The following MYSM1 variants were observed in gnomAD, a reference collection of about 807,000 sequenced individuals.
MYSM1 encodes deubiquitinase MYSM1.
In MYSM1, 51 loss-of-function variants were observed where a neutral mutation model predicts 116.0. The observed-to-expected ratio is 0.44, with a 90% CI of 0.35 to 0.56. The LOEUF is 0.56. Among genes scored for constraint, MYSM1 ranks in the 20% least tolerant of loss-of-function variants. MYSM1 has a pLI of 0.00. For synonymous variants in MYSM1, 313 were observed against 315.2 expected, an observed-to-expected ratio of 0.99 and a Z score of 0.07; for missense variants, 900 against 974.9, an observed-to-expected ratio of 0.92 and a Z score of 1.02.
In MYSM1 at chr1:58,660,019, C is replaced by CAGTT. The variant is rs1644368248; in HGVS notation, c.2461_2464dup (p.Cys822Ter). On this transcript the variant is annotated stop_gained and frameshift_variant, in exon 20 of 20. Coordinates refer to ENST00000472487, the MANE Select transcript of MYSM1 (RefSeq NM_001085487.3). LOFTEE classifies it high-confidence loss of function. Reference sequence around the variant, plus strand: ...TAATCACATTAACAATTCCTTTGTACAGTTCTCTTCGGTTACTCCATTCTC... The same window carrying CAGTT: ...TAATCACATTAACAATTCCTTTGTACAGTTAGTTCTCTTCGGTTACTCCATTCTC... The CAGTT allele has an allele frequency of 1.3e-6, 2 of 1,597,284 alleles. No homozygotes were observed. The highest frequency in any genetic ancestry group is 2.7e-5 in the African/African-American group (2 of 73,902).
chr1:58,671,254 A>C (rs1387623918), intron 12 of MYSM1, among the ~76,000 whole-genome samples: 1 of 152,210 alleles, frequency 6.6e-6, no homozygotes, highest in African/African-American at 2.4e-5. Context: ...TAATAAATAT[A>C]AAGTGCTTAA....
intron 8 of MYSM1, among the ~76,000 whole-genome samples, chr1:58,679,457 A>C (rs1644704628): frequency 6.6e-6 from 1 of 152,116 alleles, no homozygotes. Flanking sequence ...TATAGTGATC[A>C]TTCATATGGA....
In MYSM1 at chr1:58,682,224, T is replaced by C; in HGVS notation, c.820A>G (p.Lys274Glu). 1.9e-6 allele frequency: 3 copies of C among 1,613,100 alleles called. No homozygotes were observed. The highest frequency in any genetic ancestry group is 2.2e-5 in the East Asian group (1 of 44,856). ...TTTTGAAGACAGCCCCTGGAAGACTTAGAAAAGAGAGCTTCCTGGCTGTCA... is the reference window on the plus strand; with the variant it reads ...TTTTGAAGACAGCCCCTGGAAGACTCAGAAAAGAGAGCTTCCTGGCTGTCA... ...TSDSQEALFSKSSRGCLQNEK... is the reference protein window; with the variant it reads ...TSDSQEALFSESSRGCLQNEK... Residue 274 changes from lysine (K) to glutamate (E), a missense_variant, in exon 8 of 20, where the codon AAG (lysine) becomes GAG (glutamate). By Grantham distance (56) the Lys-to-Glu change is moderately conservative (BLOSUM62 1). This residue lies in a region of MYSM1 where 622 missense variants were observed against 623.7 expected (regional missense o/e 1.00). Coordinates refer to ENST00000472487, the MANE Select transcript of MYSM1 (RefSeq NM_001085487.3).
chr1:58,681,857 T>C lies in MYSM1; in HGVS notation c.1187A>G (p.Glu396Gly). 6 of 1,612,972 alleles carry C rather than the reference T, an allele frequency of 3.7e-6. No homozygotes were observed. The highest frequency in any genetic ancestry group is 5.1e-6 in the Non-Finnish European group (6 of 1,179,810). ...IQEEEKQAIPEFFEGRQAKTP... is the reference protein window; with the variant it reads ...IQEEEKQAIPGFFEGRQAKTP... ...TTTAGCTTGGCGCCCCTCAAAAAAC[T>C]CAGGAATTGCTTGTTTTTCTTCTTC... is the stretch of plus-strand genomic sequence containing the variant. The change falls in exon 8 of 20, where the codon GAG becomes GGG. Residue 396 changes from glutamate (E) to glycine (G), a missense_variant. Physicochemically the swap from Glu to Gly is moderately conservative, Grantham distance 98. This residue lies in a region of MYSM1 where 622 missense variants were observed against 623.7 expected (regional missense o/e 1.00). Coordinates refer to ENST00000472487, the MANE Select transcript of MYSM1 (RefSeq NM_001085487.3).
At chr1:58,669,836 C>CAAA (rs58828009) in intron 12 of MYSM1, among the ~76,000 whole-genome samples, 432 of 14,396 alleles carry the variant, frequency 0.03, 42 homozygotes, top group African/African-American at 0.051. Context: ...ACCCTGTCTC[C>CAAA]AAAAAAAAAA....
chr1:58,663,692 C>G (rs1052453776), intron 17 of MYSM1, among the ~76,000 whole-genome samples: 38 of 152,214 alleles, frequency 2.5e-4, no homozygotes, highest in African/African-American at 8.9e-4. Flanking sequence ...TATTCACATA[C>G]ATGTGCTGAT....
intron 16 of MYSM1, among the ~76,000 whole-genome samples, chr1:58,666,790 C>T (rs1022758224): frequency 3.3e-5 from 5 of 151,490 alleles, no homozygotes; most frequent in African/African-American, 1.2e-4. Context: ...AGGAGAATCA[C>T]TTGAACCTAA....
rs756917972 is a variant in MYSM1 at position 58,673,628 on chromosome 1, C to T, written c.1517G>A (p.Arg506Gln). The change falls in exon 11 of 20, where the codon CGA (arginine) becomes CAA (glutamine). Residue 506 changes from arginine (R) to glutamine (Q), a missense_variant. Transcript: ENST00000472487. Reference protein sequence around the residue: ...QSMRTRRRRVRDPWGNWCDAK... With the variant: ...QSMRTRRRRVQDPWGNWCDAK... Reference sequence around the variant, plus strand: ...ATCACACCAGTTTCCCCATGGGTCTCGGACCCTACGTCTCCTTGTACGCTG... The same window carrying T: ...ATCACACCAGTTTCCCCATGGGTCTTGGACCCTACGTCTCCTTGTACGCTG... The T allele has an allele frequency of 6.2e-6, 10 of 1,613,976 alleles. No homozygotes were observed. The highest frequency in any genetic ancestry group is 4.5e-5 in the East Asian group (2 of 44,866).
At chr1:58,690,061 A>T (rs1367206522) in intron 5 of MYSM1, 165 bp downstream of exon 5, 1 of 578,094 alleles carries the variant, frequency 1.7e-6, no homozygotes, top group East Asian at 3.3e-5. Context: ...TAACACCATA[A>T]AATTATACTT....
At chr1:58,698,301 C>T (rs1373185288) in intron 1 of MYSM1, among the ~76,000 whole-genome samples, 1 of 149,986 alleles carries the variant, frequency 6.7e-6, no homozygotes, top group Non-Finnish European at 1.5e-5. Context: ...GGGGTTTCAC[C>T]GTGTTAGCCA....
intron 19 of MYSM1, 89 bp downstream of exon 19, chr1:58,661,080 CA>C (rs1644383642): frequency 1.1e-6 from 1 of 887,884 alleles, no homozygotes; most frequent in Admixed American, 2.3e-5. Flanking sequence ...AAATTATCCA[CA>C]AAGTATTAGG....
At chr1:58,672,247 C>T (rs1017654497) in intron 11 of MYSM1, among the ~76,000 whole-genome samples, 2 of 152,110 alleles carry the variant, frequency 1.3e-5, no homozygotes, top group Non-Finnish European at 2.9e-5. Context: ...TCACCTGAGT[C>T]TTTTATTTCC....
chr1:58,667,276 A>G (rs2100602848), intron 15 of MYSM1, 50 bp from the exon 16 acceptor site: 1 of 1,303,906 alleles, frequency 7.7e-7, no homozygotes, highest in Non-Finnish European at 1.0e-6. Flanking sequence ...TGTTAATTCT[A>G]TTACTCTAAT....
Position 58,665,540 on chromosome 1 carries a change from C to A in MYSM1, c.2123G>T (p.Cys708Phe). ...NNPLPYSQIT[C>F]LVISEEISPD... Reference sequence around the variant, plus strand: ...GCTAATTTCCTCACTTATAACCAGGCAGGTAATCTGAGAATATGGTAAGGG... The same window carrying A: ...GCTAATTTCCTCACTTATAACCAGGAAGGTAATCTGAGAATATGGTAAGGG... The change falls in exon 17 of 20, where the codon TGC (cysteine) becomes TTC (phenylalanine). Residue 708 changes from cysteine (C) to phenylalanine (F), a missense_variant. Cys to Phe is a radical substitution (Grantham distance 205, BLOSUM62 -2). Around this residue, in one of 3 missense-constraint regions of MYSM1, gnomAD observed 186 missense variants for 196.2 expected, o/e 0.95. Coordinates refer to ENST00000472487, the MANE Select transcript of MYSM1 (RefSeq NM_001085487.3). 1 of 1,606,958 alleles carries A rather than the reference C, an allele frequency of 6.2e-7. No individual in the cohort carries two copies. The highest frequency in any genetic ancestry group is 8.5e-7 in the Non-Finnish European group (1 of 1,174,348).
At chr1:58,675,235 CATT>C (rs779444115) in intron 10 of MYSM1, among the ~76,000 whole-genome samples, 1 of 152,064 alleles carries the variant, frequency 6.6e-6, no homozygotes, top group African/African-American at 2.4e-5. Flanking sequence ...TTTAGGAAAA[CATT>C]ATGCTTCTGC....
In MYSM1 at chr1:58,659,799, G is replaced by A. The variant is rs925839226; in HGVS notation, c.*198C>T. ...ACACCGTGGTGGACCCTGGTTTGCA[G>A]AACACTCTGATAATCACTATATGAA... On this transcript the variant is annotated 3_prime_UTR_variant, in exon 20 of 20. Coordinates refer to ENST00000472487, the MANE Select transcript of MYSM1 (RefSeq NM_001085487.3). 1 of 417,186 alleles carries A rather than the reference G, an allele frequency of 2.4e-6. No homozygotes were observed. Among genetic ancestry groups the A allele is most frequent in the African/African-American group, 2.1e-5 (1 of 48,416 alleles). 25.8% of individuals were successfully genotyped at this position (417,186 alleles called of 1,614,324 possible). A position where few individuals can be genotyped will look rare whatever the true frequency, so the allele number is the denominator to read the frequency against.
chr1:58,675,206 C>T (rs566166846), intron 10 of MYSM1, among the ~76,000 whole-genome samples: 79 of 151,838 alleles, frequency 5.2e-4, no homozygotes, highest in Non-Finnish European at 1.0e-3. Flanking sequence ...TAAATTAAAA[C>T]GAAGCATCCC....
intron 6 of MYSM1, among the ~76,000 whole-genome samples, chr1:58,688,615 G>A (rs1349529004): frequency 6.6e-6 from 1 of 151,274 alleles, no homozygotes; most frequent in Non-Finnish European, 1.5e-5. Flanking sequence ...TTTAGACAGT[G>A]TATACAATGC....
chr1:58,672,508 A>C (rs1272670436), intron 11 of MYSM1, among the ~76,000 whole-genome samples: 1 of 152,160 alleles, frequency 6.6e-6, no homozygotes, highest in Non-Finnish European at 1.5e-5. Context: ...GACTGAGTTA[A>C]TGTTTATAAA....
Sources: gnomAD v4.1 joint callset for allele counts (sites outside exome capture counted in the v4.1 genomes callset) on GRCh38, gnomAD v4.1.1 for gene constraint, gnomAD v4.1.1 regional missense constraint, MANE v1.5 for transcripts, NCBI Gene and HGNC (gene_info 2026-07-23, HGNC 2026-07-21) for gene names.